SLC2A11: variants seen among roughly 807,000 people sequenced by gnomAD.
SLC2A11 encodes the protein solute carrier family 2 member 11.
A neutral mutation model predicts 52.1 loss-of-function variants in SLC2A11; 43 were observed. The ratio of observed to expected loss-of-function variants is 0.82; its 90% CI spans 0.65 to 1.06. The LOEUF (loss-of-function observed/expected upper bound fraction) is 1.06, where lower values mean the gene tolerates loss of function less well. Ranked by LOEUF, SLC2A11 falls within the 50% of genes least tolerant of loss-of-function variation. SLC2A11 has a pLI of 0.00. For missense variants in SLC2A11, 582 were observed against 654.2 expected (o/e 0.89, Z 1.20); for synonymous variants, 261 against 277.6 (o/e 0.94, Z 0.59).
rs1366759458 is a variant in SLC2A11 at position 23,885,038 on chromosome 22, A to C, written c.*189A>C. 5 of 579,450 alleles carry C rather than the reference A, an allele frequency of 8.6e-6. No homozygotes were observed. Among genetic ancestry groups the C allele is most frequent in the Non-Finnish European group, 1.5e-5 (5 of 326,948 alleles). 35.9% of individuals were successfully genotyped at this position (579,450 alleles called of 1,614,324 possible). ...GTGGTATTCCAGGCTAAAGGTAATT[A>C]ACTGACAGAAAATCAGTAACAACAT... On this transcript the variant is annotated 3_prime_UTR_variant, in exon 12 of 12. Transcript: ENST00000316185.
intron 2 of SLC2A11, chr22:23,865,415 T>TCAAA (rs34441283): frequency 0.36 from 54,443 of 151,956 alleles, 10,146 homozygotes; most frequent in Middle Eastern, 0.45. Context: ...AAACTCCATC[T>TCAAA]CAAAAACAAA....
rs1160043522 is a variant in SLC2A11, at chr22:23,885,674, C to A, written c.*825C>A. 1.3e-5 allele frequency: 2 copies of A among 151,970 alleles called. No individual in the cohort carries two copies. Among genetic ancestry groups the A allele is most frequent in the Non-Finnish European group, 2.9e-5 (2 of 68,016 alleles). 9.4% of individuals were successfully genotyped at this position (151,970 alleles called of 1,614,324 possible). A position where few individuals can be genotyped will look rare whatever the true frequency, so the allele number is the denominator to read the frequency against. ...TGAGTCCTAATTGAGCCACTGCACT[C>A]CAGCCTGGACAACAGAAAGAGACCA... On this transcript the variant is annotated 3_prime_UTR_variant, in exon 12 of 12. Transcript: ENST00000316185.
intron 1 of SLC2A11, 65 bp downstream of exon 1, chr22:23,858,094 T>A: frequency 6.5e-7 from 1 of 1,542,756 alleles, no homozygotes; most frequent in Non-Finnish European, 8.8e-7. Flanking sequence ...CTGAGTGAAC[T>A]GCGCAGGTGC....
intron 2 of SLC2A11, among the ~76,000 whole-genome samples, chr22:23,863,612 T>TTTG (rs2032154691): frequency 7.4e-6 from 1 of 134,776 alleles, no homozygotes; most frequent in Admixed American, 7.4e-5. Context: ...TCTCTGGTTT[T>TTTG]TTTTTTTTTT....
chr22:23,857,071 T>TGGGGGGGGGGGG (rs1267660761), upstream of SLC2A11: 3 of 301,400 alleles, frequency 1.0e-5, no homozygotes, highest in African/African-American at 7.9e-5. Context: ...AGTGTGTGTG[T>TGGGGGGGGGGGG]GTGGGGGGGG....
chr22:23,877,665 G>A, intron 5 of SLC2A11, 56 bp from the exon 6 acceptor site: 1 of 1,510,922 alleles, frequency 6.6e-7, no homozygotes, highest in Non-Finnish European at 8.9e-7. Flanking sequence ...AGGAGAGCAG[G>A]GTGGTAGGAC....
rs571862746 is a variant in SLC2A11 at position 23,877,164 on chromosome 22, G to A, written c.538G>A (p.Gly180Arg). 8.7e-5 allele frequency: 140 copies of A among 1,610,040 alleles called. No homozygotes were observed. The South Asian group carries it at 1.5e-3, about 17-fold the overall frequency. The stretch of plus-strand genomic sequence containing the variant: ...GGGGATCGTGATGGGACAGGTGGTC[G>A]GACTCAGGTAAGCACCCCTCCCCCA... ...ALGIVMGQVVGLRELLGGPQA... is the reference protein window; with the variant it reads ...ALGIVMGQVVRLRELLGGPQA... The change falls in exon 5 of 12, where the codon GGA (glycine) becomes AGA (arginine). Residue 180 changes from glycine (G) to arginine (R), a missense_variant. Physicochemically the swap from Gly to Arg is moderately radical, Grantham distance 125. Coordinates refer to ENST00000316185, the MANE Select transcript of SLC2A11 (RefSeq NM_001024939.4).
rs751284238 is a variant in SLC2A11 at position 23,862,185 on chromosome 22, A to G, written c.112A>G (p.Ile38Val). 6.2e-6 allele frequency: 10 copies of G among 1,613,874 alleles called. No individual in the cohort carries two copies. The highest frequency in any genetic ancestry group is 1.3e-5 in the African/African-American group (1 of 74,858). Residue 38 changes from isoleucine (I) to valine (V), a missense_variant, in exon 2 of 12, where the codon ATC becomes GTC. Transcript: ENST00000316185. Reference sequence around the variant, plus strand: ...TCAGTTTGGCTATAACCTCTCTATCATCAATGCCCCGACCTTGGTATGTAT... The same window carrying G: ...TCAGTTTGGCTATAACCTCTCTATCGTCAATGCCCCGACCTTGGTATGTAT... The part of the protein sequence containing the change: ...TFQFGYNLSI[I>V]NAPTLHIQEF...
chr22:23,883,211 G>A (rs1011903363), intron 8 of SLC2A11: 38 of 396,006 alleles, frequency 9.6e-5, no homozygotes, highest in African/African-American at 5.2e-4. Context: ...GCAGTGAGCC[G>A]AGATGGTGCC....
At chr22:23,861,559 A>G (rs17550765) in intron 1 of SLC2A11, among the ~76,000 whole-genome samples, 10,746 of 152,274 alleles carry the variant, frequency 0.071, 401 homozygotes, top group Middle Eastern at 0.14. Flanking sequence ...CTGCCTCTCT[A>G]CTACTCATAT....
Position 23,884,188 on chromosome 22 carries a change from G to A in SLC2A11, c.1172-114G>A, listed in dbSNP as rs1211916534. 1.3e-6 allele frequency: 2 copies of A among 1,489,400 alleles called. No homozygotes were observed. The highest frequency in any genetic ancestry group is 8.9e-7 in the Non-Finnish European group (1 of 1,120,530). The allele number at this position is 1,489,400 out of a possible 1,614,324, so 92.3% of individuals were successfully genotyped here. A position where few individuals can be genotyped will look rare whatever the true frequency, so the allele number is the denominator to read the frequency against. The stretch of plus-strand genomic sequence containing the variant: ...GGAATGGCAGGAGGAGAGCACTGAG[G>A]GGCCCCCCATACAGACTGGGCCTGG... On this transcript the variant is annotated intron_variant, in intron 10 of 11. Transcript: ENST00000316185. This position sits in a 1 kb window ranked among gnomAD's most constrained non-coding sequence, Gnocchi z 4.3.
chr22:23,870,985 C>T (rs1026670673), intron 3 of SLC2A11: 2 of 151,796 alleles, frequency 1.3e-5, no homozygotes, highest in Admixed American at 1.3e-4. Context: ...AGCCACCGCG[C>T]CCAGCTATAT....
intron 5 of SLC2A11, 137 bp from the exon 6 acceptor site, chr22:23,877,584 C>A: frequency 1.7e-6 from 2 of 1,181,908 alleles, no homozygotes; most frequent in Non-Finnish European, 2.4e-6. Context: ...TCTTGATGTT[C>A]AGACCCAGAC....
chr22:23,868,901 T>C, intron 3 of SLC2A11: 1 of 454,854 alleles, frequency 2.2e-6, no homozygotes, highest in East Asian at 3.2e-5. Context: ...TAACTGACCT[T>C]AAACAAGTTA....
At chr22:23,883,594 G>A (rs1457499199) in intron 8 of SLC2A11, 178 bp from the exon 9 acceptor site, 1 of 534,514 alleles carries the variant, frequency 1.9e-6, no homozygotes, top group East Asian at 3.4e-5. Context: ...TGCGGAAACT[G>A]GCTGAAGTTG....
At chr22:23,857,586 C>CCCGCGGCGG, upstream of SLC2A11, 2 of 1,475,468 alleles carry the variant, frequency 1.4e-6, no homozygotes, top group Non-Finnish European at 1.9e-6. Flanking sequence ...AACCCCCCCC[C>CCCGCGGCGG]CGCGGCGGCG....
chr22:23,861,964 G>C lies in SLC2A11; in HGVS notation c.31-140G>C. The C allele has an allele frequency of 4.1e-6, 3 of 739,830 alleles. No individual in the cohort carries two copies. The South Asian group carries it at 4.8e-5, about 12-fold the overall frequency. 45.8% of individuals were successfully genotyped at this position (739,830 alleles called of 1,614,324 possible). On this transcript the variant is annotated intron_variant, in intron 1 of 11. Coordinates refer to ENST00000316185, the MANE Select transcript of SLC2A11 (RefSeq NM_001024939.4). Reference sequence around the variant, plus strand: ...CATGTGACCCAGGTAACTCCTCTCTGTGCCTCACTTTCCTCATCTGCAAAG... The same window carrying C: ...CATGTGACCCAGGTAACTCCTCTCTCTGCCTCACTTTCCTCATCTGCAAAG...
At chr22:23,882,286 AGAGATT>A in intron 6 of SLC2A11, 167 bp from the exon 7 acceptor site, 1 of 619,722 alleles carries the variant, frequency 1.6e-6, no homozygotes, top group Middle Eastern at 4.3e-4. Flanking sequence ...ACAGAGACAG[AGAGATT>A]GAGAGAGACA....
At position 23,869,487 on chromosome 22, in the gene SLC2A11, CA is replaced by C. The variant is rs113496535; in HGVS notation, c.290+859del. 9.0e-3 allele frequency: 1,297 copies of C among 144,406 alleles called. 17 individuals carry two copies. The highest frequency in any genetic ancestry group is 0.026 in the African/African-American group (1,006 of 39,080). The allele number at this position is 144,406 out of a possible 1,614,324, so 8.9% of individuals were successfully genotyped here. On this transcript the variant is annotated intron_variant, in intron 3 of 11. Coordinates refer to ENST00000316185, the MANE Select transcript of SLC2A11 (RefSeq NM_001024939.4). ...TGGGCAACAGAACAAGACTCCATCTCAAAAAAAAAAAAATTAACCAGTTATG... is the reference window on the plus strand; with the variant it reads ...TGGGCAACAGAACAAGACTCCATCTCAAAAAAAAAAAATTAACCAGTTATG...
Sources: allele counts gnomAD v4.1 joint callset (sites outside exome capture counted in the v4.1 genomes callset), GRCh38; gene constraint gnomAD v4.1.1; non-coding constraint Gnocchi (gnomAD v3.1); transcripts MANE v1.5; gene names NCBI Gene and HGNC (gene_info 2026-07-23, HGNC 2026-07-21).